RELCH: variants seen among roughly 807,000 people sequenced by gnomAD.
RELCH encodes RAB11 binding and LisH domain, coiled-coil and HEAT repeat containing, also known as RAB11-binding protein RELCH.
Under a neutral mutation model 150.3 loss-of-function variants are expected in RELCH, and 41 were observed. That is an observed-to-expected ratio of 0.27 (90% CI 0.21 to 0.35). The LOEUF is 0.35. RELCH is among the 10% of genes least tolerant of loss of function. RELCH has a pLI of 1.00. For missense variants in RELCH, 1,092 were observed against 1,467.8 expected (o/e 0.74, Z 4.18); for synonymous variants, 478 against 531.8 (o/e 0.90, Z 1.39).
At chr18:62,284,783 AGTTCTTTCAGTGGCCCTT>A (rs1281534142) in intron 25 of RELCH, among the ~76,000 whole-genome samples, 1 of 152,146 alleles carries the variant, frequency 6.6e-6, no homozygotes, top group Non-Finnish European at 1.5e-5. Context: ...AGAGGACATT[AGTTCTTTCAGTGGCCCTT>A]GTTCTTTCCC....
At chr18:62,192,771 G>GTT (rs1405019447) in intron 1 of RELCH, among the ~76,000 whole-genome samples, 1 of 152,152 alleles carries the variant, frequency 6.6e-6, no homozygotes, top group Non-Finnish European at 1.5e-5. Flanking sequence ...GTACCATGCT[G>GTT]TTTTGGTTAC....
chr18:62,237,324 C>T (rs2041925568), intron 10 of RELCH, among the ~76,000 whole-genome samples: 1 of 151,652 alleles, frequency 6.6e-6, no homozygotes, highest in South Asian at 2.1e-4. Flanking sequence ...AGTTTGGGTT[C>T]TCTATTTCCT....
chr18:62,282,855 G>A (rs2044592282), intron 25 of RELCH, among the ~76,000 whole-genome samples: 1 of 151,980 alleles, frequency 6.6e-6, no homozygotes, highest in South Asian at 2.1e-4. Context: ...ACGGGGTTTT[G>A]CCATGTTGGC....
rs1412342922 is a variant in RELCH, at chr18:62,189,279, T to TG, written c.526+1248_526+1249insG. Among the ~76,000 whole-genome samples the TG allele has an allele frequency of 2.2e-3, 339 of 151,300 alleles. 7 individuals carry two copies. Among genetic ancestry groups the TG allele is most frequent in the African/African-American group, 7.8e-3 (325 of 41,408 alleles). On this transcript the variant is annotated intron_variant, in intron 1 of 28. Coordinates refer to ENST00000644646, the MANE Select transcript of RELCH (RefSeq NM_001346231.2). ...TTTTTGTTTTTTTTTTTTGTTGTTT[T>TG]TTTTTTTTGGTTTTTGTGTTATTTC...
intron 20 of RELCH, chr18:62,269,658 A>G (rs2043783460): frequency 5.2e-6 from 1 of 193,130 alleles, no homozygotes; most frequent in Non-Finnish European, 1.1e-5. Context: ...CTGACTTTGC[A>G]TTTATATGCT....
At chr18:62,196,379 A>G (rs1303773964) in intron 1 of RELCH, among the ~76,000 whole-genome samples, 29 of 152,028 alleles carry the variant, frequency 1.9e-4, no homozygotes, top group Admixed American at 1.9e-3. Context: ...ACAAGCCCGC[A>G]CCACCACACC....
At chr18:62,292,946 G>A (rs1016458318) in intron 27 of RELCH, among the ~76,000 whole-genome samples, 1 of 152,032 alleles carries the variant, frequency 6.6e-6, no homozygotes, top group Non-Finnish European at 1.5e-5. Context: ...ATCTCTTCGT[G>A]TTATTCTCCT....
intron 10 of RELCH, chr18:62,234,948 T>G (rs1038775346): frequency 1.3e-5 from 2 of 151,954 alleles, no homozygotes; most frequent in African/African-American, 4.8e-5. Context: ...GAAATCTGAT[T>G]TATCTATTTT....
chr18:62,224,767 C>T (rs1164148816), intron 5 of RELCH, among the ~76,000 whole-genome samples: 15 of 152,050 alleles, frequency 9.9e-5, no homozygotes, highest in Non-Finnish European at 2.1e-4. Flanking sequence ...ATATTGTGCT[C>T]ATGGATCAGA....
intron 27 of RELCH, among the ~76,000 whole-genome samples, chr18:62,295,317 TG>T (rs1271981683): frequency 7.0e-6 from 1 of 143,870 alleles, no homozygotes; most frequent in Non-Finnish European, 1.5e-5. Flanking sequence ...CAGCCTGGTG[TG>T]TTTTTTTTTT....
At chr18:62,224,542 GT>G (rs1297641044) in intron 5 of RELCH, among the ~76,000 whole-genome samples, 1 of 151,952 alleles carries the variant, frequency 6.6e-6, no homozygotes, top group Non-Finnish European at 1.5e-5. Flanking sequence ...TCCAAAAACG[GT>G]ACAAAAACTA....
intron 14 of RELCH, 33 bp downstream of exon 14, chr18:62,258,121 A>G (rs778065796): frequency 7.9e-6 from 12 of 1,527,698 alleles, no homozygotes; most frequent in African/African-American, 7.0e-5. Context: ...ATTTTACTCC[A>G]TTATAAAATT....
chr18:62,270,177 A>G (rs1161808165), intron 20 of RELCH, among the ~76,000 whole-genome samples: 1 of 152,198 alleles, frequency 6.6e-6, no homozygotes, highest in East Asian at 1.9e-4. Flanking sequence ...GACTTATCAC[A>G]TAGTGGCTAA....
chr18:62,288,283 AAC>A (rs2044923237), intron 26 of RELCH, among the ~76,000 whole-genome samples: 1 of 152,156 alleles, frequency 6.6e-6, no homozygotes, highest in Admixed American at 6.5e-5. Flanking sequence ...CTAAACAAAA[AAC>A]AGAGAACAAA....
chr18:62,207,908 A>T (rs1047959482), intron 1 of RELCH, among the ~76,000 whole-genome samples: 3 of 152,238 alleles, frequency 2.0e-5, no homozygotes, highest in Admixed American at 2.0e-4. Flanking sequence ...ATGGTCATAC[A>T]GTATATAGCC....
chr18:62,296,670 C>T (rs1282189368), intron 27 of RELCH, among the ~76,000 whole-genome samples: 2 of 151,932 alleles, frequency 1.3e-5, no homozygotes, highest in Non-Finnish European at 2.9e-5. Flanking sequence ...CTTAGATGCC[C>T]TTTATCAGGT....
chr18:62,283,017 T>C (rs1466792742), intron 25 of RELCH, among the ~76,000 whole-genome samples: 1 of 152,232 alleles, frequency 6.6e-6, no homozygotes, highest in South Asian at 2.1e-4. Context: ...TACTGATTGC[T>C]GTAAGACATA....
chr18:62,287,497 A>G (rs746978962), intron 26 of RELCH, 30 bp downstream of exon 26: 1 of 1,141,540 alleles, frequency 8.8e-7, no homozygotes, highest in South Asian at 1.3e-5. Context: ...GTGTATCTAC[A>G]TTTATGTAAC....
chr18:62,252,408 ACTCGAGAGGATGAGGTGGG>A (rs1249114503), intron 11 of RELCH, among the ~76,000 whole-genome samples: 2 of 151,842 alleles, frequency 1.3e-5, no homozygotes, highest in Non-Finnish European at 2.9e-5. Context: ...AGTCCCAGCT[ACTCGAGAGGATGAGGTGGG>A]AGGGCTGCTT....
Sources: allele counts gnomAD v4.1 joint callset (sites outside exome capture counted in the v4.1 genomes callset), GRCh38; gene constraint gnomAD v4.1.1; transcripts MANE v1.5; gene names NCBI Gene and HGNC (gene_info 2026-07-23, HGNC 2026-07-21).